Variants in TSHZ2 observed in about 807,000 individuals in gnomAD.
The protein encoded by TSHZ2 is teashirt zinc finger homeobox 2.
TSHZ2 carries 21 observed loss-of-function variants against 74.4 expected under a neutral mutation model. That is an observed-to-expected ratio of 0.28 (90% CI 0.20 to 0.41). The LOEUF is 0.41. TSHZ2 is among the 10% of genes least tolerant of loss of function. TSHZ2 has a pLI of 1.00. For synonymous variants in TSHZ2, 540 were observed against 515.3 expected (o/e 1.05, Z -0.65); for missense variants, 1,244 against 1,293.5 (o/e 0.96, Z 0.59).
At chr20:53,376,981 A>G (rs1363611199) in intron 2 of TSHZ2, among the ~76,000 whole-genome samples, 1 of 152,268 alleles carries the variant, frequency 6.6e-6, no homozygotes, top group Non-Finnish European at 1.5e-5. Context: ...AGGAATAGCA[A>G]AAATCGGTGG....
chr20:53,340,121 G>C (rs144171692), intron 2 of TSHZ2, among the ~76,000 whole-genome samples: 8 of 151,812 alleles, frequency 5.3e-5, no homozygotes, highest in African/African-American at 1.2e-4. Context: ...AATGCCTGGT[G>C]GGGGGAAGAG....
chr20:52,984,640 G>C (rs966094687), intron 1 of TSHZ2, among the ~76,000 whole-genome samples: 2 of 152,142 alleles, frequency 1.3e-5, no homozygotes, highest in Non-Finnish European at 1.5e-5. Context: ...GGGGTGCCTC[G>C]GAGGGTGCAG....
chr20:53,352,304 C>T (rs1002259743), intron 2 of TSHZ2, among the ~76,000 whole-genome samples: 2 of 147,266 alleles, frequency 1.4e-5, no homozygotes, highest in Admixed American at 7.0e-5. Flanking sequence ...ATTTCCAGAA[C>T]CCCAGTCCTT....
intron 1 of TSHZ2, among the ~76,000 whole-genome samples, chr20:53,193,235 C>T (rs1568805023): frequency 6.6e-6 from 1 of 151,160 alleles, no homozygotes; most frequent in African/African-American, 2.4e-5. Flanking sequence ...AAAAGGATCT[C>T]ATATCAACTC....
Position 52,972,395 on chromosome 20 carries a change from T to TCGCCC in TSHZ2, c.-898_-894dup, listed in dbSNP as rs1981137792. 1 of 152,226 alleles carries TCGCCC rather than the reference T, an allele frequency of 6.6e-6. No individual in the cohort carries two copies. The highest frequency in any genetic ancestry group is 1.5e-5 in the Non-Finnish European group (1 of 68,154). The allele number at this position is 152,226 out of a possible 1,614,324, so 9.4% of individuals were successfully genotyped here. The stretch of plus-strand genomic sequence containing the variant: ...GGGATCGATGTTTGCTGGCATCGCC[T>TCGCCC]CGCCCTGTCTTGTGTGTGTGTGCGA... On this transcript the variant is annotated 5_prime_UTR_variant, in exon 1 of 3. An upstream open reading frame in the 5' UTR gains an earlier in-frame stop. Coordinates refer to ENST00000371497, the MANE Select transcript of TSHZ2 (RefSeq NM_173485.6).
intron 2 of TSHZ2, among the ~76,000 whole-genome samples, chr20:53,484,063 G>T (rs1986228562): frequency 6.6e-6 from 1 of 152,164 alleles, no homozygotes; most frequent in Non-Finnish European, 1.5e-5. Context: ...CCAATTTGTG[G>T]TCTCCACTTT....
intron 1 of TSHZ2, among the ~76,000 whole-genome samples, chr20:53,015,002 T>C (rs1465633241): frequency 6.6e-6 from 1 of 152,196 alleles, no homozygotes. Context: ...ACCTCTCCAG[T>C]GTGGAATAGC....
intron 2 of TSHZ2, among the ~76,000 whole-genome samples, chr20:53,409,245 T>C (rs923010331): frequency 6.6e-6 from 1 of 152,106 alleles, no homozygotes; most frequent in African/African-American, 2.4e-5. Context: ...GTTTGTTTTT[T>C]TTAATTCTAA....
intron 2 of TSHZ2, among the ~76,000 whole-genome samples, chr20:53,304,005 C>A (rs960503279): frequency 6.6e-6 from 1 of 152,048 alleles, no homozygotes; most frequent in African/African-American, 2.4e-5. Context: ...CCATCCCCAA[C>A]CTTCACACAT....
chr20:53,205,884 A>G (rs1007771485), intron 1 of TSHZ2, among the ~76,000 whole-genome samples: 2 of 152,220 alleles, frequency 1.3e-5, no homozygotes, highest in African/African-American at 4.8e-5. Flanking sequence ...AGCCTGGTGA[A>G]GCCATTTACA....
chr20:53,457,444 T>G (rs1347572789), intron 2 of TSHZ2, among the ~76,000 whole-genome samples: 1 of 120,194 alleles, frequency 8.3e-6, no homozygotes, highest in South Asian at 3.2e-4. Context: ...CTTATCAGCT[T>G]AAGGAGATTT....
At chr20:53,141,871 T>A (rs1357700043) in intron 1 of TSHZ2, among the ~76,000 whole-genome samples, 1 of 152,184 alleles carries the variant, frequency 6.6e-6, no homozygotes, top group Non-Finnish European at 1.5e-5. Flanking sequence ...GGGAGAAGTG[T>A]TGATGGGAGC....
At chr20:53,343,902 C>A (rs184205553) in intron 2 of TSHZ2, among the ~76,000 whole-genome samples, 3 of 152,160 alleles carry the variant, frequency 2.0e-5, no homozygotes, top group African/African-American at 7.2e-5. Context: ...CCGGCTCTAG[C>A]GGAACTCTTT....
chr20:52,981,782 T>A (rs1301721388), intron 1 of TSHZ2, among the ~76,000 whole-genome samples: 1 of 152,216 alleles, frequency 6.6e-6, no homozygotes, highest in African/African-American at 2.4e-5. Context: ...ACGGTAACAA[T>A]GGTAACAATG....
At chr20:53,333,751 C>A (rs545949427) in intron 2 of TSHZ2, among the ~76,000 whole-genome samples, 1 of 152,184 alleles carries the variant, frequency 6.6e-6, no homozygotes, top group African/African-American at 2.4e-5. Context: ...CCACTGCGCC[C>A]GGCCTGCCAA....
intron 1 of TSHZ2, among the ~76,000 whole-genome samples, chr20:53,026,797 C>G (rs564190141): frequency 3.3e-5 from 5 of 152,156 alleles, no homozygotes; most frequent in African/African-American, 1.2e-4. Context: ...TCTTCAACAT[C>G]TTTTCATATT....
intron 2 of TSHZ2, among the ~76,000 whole-genome samples, chr20:53,267,766 A>G (rs1453536925): frequency 1.3e-5 from 2 of 152,236 alleles, no homozygotes; most frequent in Non-Finnish European, 2.9e-5. Context: ...ACTCATCAAC[A>G]CTGATATTTA....
At chr20:53,135,802 C>T (rs974995205) in intron 1 of TSHZ2, among the ~76,000 whole-genome samples, 16 of 151,828 alleles carry the variant, frequency 1.1e-4, no homozygotes, top group African/African-American at 3.9e-4. Flanking sequence ...ATAGGGTCTC[C>T]CTATGTTGTC....
intron 2 of TSHZ2, among the ~76,000 whole-genome samples, chr20:53,366,460 A>C (rs1351482721): frequency 6.6e-6 from 1 of 152,228 alleles, no homozygotes; most frequent in Non-Finnish European, 1.5e-5. Flanking sequence ...ACGCAGCTTG[A>C]TTCCAAACAT....
Sources: gnomAD v4.1 joint callset for allele counts (sites outside exome capture counted in the v4.1 genomes callset) on GRCh38, gnomAD v4.1.1 for gene constraint, MANE v1.5 for transcripts, NCBI Gene and HGNC (gene_info 2026-07-23, HGNC 2026-07-21) for gene names.